Variants in CADPS observed in about 807,000 individuals in gnomAD.
CADPS encodes the protein calcium dependent secretion activator.
CADPS carries 57 observed loss-of-function variants against 167.3 expected under a neutral mutation model. That is an observed-to-expected ratio of 0.34 (90% CI 0.28 to 0.42). CADPS has a LOEUF of 0.42. Among genes scored for constraint, CADPS ranks in the 20% least tolerant of loss-of-function variants. The probability of loss-of-function intolerance (pLI) is 1.00; values close to 1 mark genes in which losing one functional copy is unlikely to be tolerated. For missense variants in CADPS, 1,414 were observed against 1,738.1 expected (o/e 0.81, Z 3.32); for synonymous variants, 676 against 635.3 (o/e 1.06, Z -0.96).
At chr3:62,596,263 T>C (rs1368901792) in intron 6 of CADPS, among the ~76,000 whole-genome samples, 2 of 151,742 alleles carry the variant, frequency 1.3e-5, no homozygotes, top group African/African-American at 4.8e-5. Context: ...TGGCATGATC[T>C]TGGCTCACTG....
Position 62,651,019 on chromosome 3 carries a change from T to C in CADPS, c.1031A>G (p.Lys344Arg). 1 of 1,614,158 alleles carries C rather than the reference T, an allele frequency of 6.2e-7. No individual in the cohort carries two copies. The highest frequency in any genetic ancestry group is 8.5e-7 in the Non-Finnish European group (1 of 1,179,982). Reference protein sequence around the residue: ...EMENMYIEELKSSVNLLMANL... With the variant: ...EMENMYIEELRSSVNLLMANL... The stretch of plus-strand genomic sequence containing the variant: ...GGCCATGAGCAGGTTGACAGATGAC[T>C]TCAGCTCCTCAATGTACATGTTTTC... The change falls in exon 5 of 30, where the codon AAG becomes AGG. Residue 344 changes from lysine (K) to arginine (R), a missense_variant. Coordinates refer to ENST00000383710, the MANE Select transcript of CADPS (RefSeq NM_003716.4).
At chr3:62,659,904 ACCC>A (rs2150418085) in intron 4 of CADPS, among the ~76,000 whole-genome samples, 1 of 152,272 alleles carries the variant, frequency 6.6e-6, no homozygotes, top group Admixed American at 6.5e-5. Flanking sequence ...AACCCTCAAT[ACCC>A]TAGACAGGGA....
chr3:62,639,141 T>A (rs552486608), intron 6 of CADPS, among the ~76,000 whole-genome samples: 6 of 152,278 alleles, frequency 3.9e-5, no homozygotes, highest in South Asian at 2.1e-4. Context: ...TGTCTGAGCA[T>A]CCCAAAGTGT....
In CADPS at chr3:62,811,588, T is replaced by G. The variant is rs552997140; in HGVS notation, c.442-45604A>C. Among the ~76,000 whole-genome samples the G allele has an allele frequency of 2.0e-5, 3 of 152,338 alleles. 1 individual carries two copies. In the South Asian group the frequency reaches 6.2e-4, roughly 32 times the overall value. ...ATCATTCAAAGCCCAGCTTAAGGCT[T>G]CCTAAGACCTTCTCCAGCAGTTACT... On this transcript the variant is annotated intron_variant, in intron 1 of 29. Transcript: ENST00000383710.
intron 8 of CADPS, among the ~76,000 whole-genome samples, chr3:62,574,730 A>C (rs2081955771): frequency 6.6e-6 from 1 of 152,038 alleles, no homozygotes; most frequent in Admixed American, 6.6e-5. Context: ...AAGATGCTTA[A>C]CCTCTTGGTG....
chr3:62,684,381 A>G (rs922727149), intron 3 of CADPS, among the ~76,000 whole-genome samples: 1 of 151,966 alleles, frequency 6.6e-6, no homozygotes, highest in African/African-American at 2.4e-5. Flanking sequence ...GGCTCTAATG[A>G]TGATCCAGGC....
At chr3:62,845,230 T>C (rs1031779434) in intron 1 of CADPS, among the ~76,000 whole-genome samples, 1 of 152,204 alleles carries the variant, frequency 6.6e-6, no homozygotes, top group Admixed American at 6.5e-5. Flanking sequence ...GAACAAGAAC[T>C]TGGCTTCTTG....
chr3:62,520,246 G>C (rs1050671008), intron 13 of CADPS, among the ~76,000 whole-genome samples: 8 of 152,162 alleles, frequency 5.3e-5, no homozygotes, highest in African/African-American at 1.9e-4. Flanking sequence ...AGCCTTCTAA[G>C]GCAATTAGGC....
intron 27 of CADPS, 37 bp downstream of exon 27, chr3:62,445,728 A>AAC: frequency 7.3e-7 from 1 of 1,360,734 alleles, no homozygotes; most frequent in Admixed American, 2.8e-5. Context: ...AAAAAAAAAC[A>AAC]AAAAAACCCC....
At chr3:62,849,083 T>C (rs1326784809) in intron 1 of CADPS, among the ~76,000 whole-genome samples, 8 of 151,210 alleles carry the variant, frequency 5.3e-5, no homozygotes, top group Non-Finnish European at 1.0e-4. Flanking sequence ...TGTTTGTCTG[T>C]TGTTGGTGTA....
chr3:62,837,808 A>C (rs1317977033), intron 1 of CADPS, among the ~76,000 whole-genome samples: 1 of 152,162 alleles, frequency 6.6e-6, no homozygotes, highest in Admixed American at 6.5e-5. Flanking sequence ...ACCCATTCTG[A>C]TTGTTTCTTC....
At chr3:62,710,255 G>A (rs1038499645) in intron 3 of CADPS, among the ~76,000 whole-genome samples, 1 of 151,534 alleles carries the variant, frequency 6.6e-6, no homozygotes, top group African/African-American at 2.4e-5. Flanking sequence ...CTCAATCCTG[G>A]ATGCACGCTG....
intron 1 of CADPS, chr3:62,796,122 T>C (rs544217577): frequency 6.6e-6 from 1 of 152,356 alleles, no homozygotes; most frequent in South Asian, 2.1e-4. Flanking sequence ...GATTTTTTCG[T>C]AAGAGACAGG....
intron 1 of CADPS, among the ~76,000 whole-genome samples, chr3:62,824,580 C>T (rs1431538090): frequency 6.6e-6 from 1 of 152,020 alleles, no homozygotes; most frequent in African/African-American, 2.4e-5. Flanking sequence ...GGGGATCCAC[C>T]CTTACAAAAA....
At position 62,544,451 on chromosome 3, in the gene CADPS, G is replaced by A. The variant is rs1484464424; in HGVS notation, c.1966+5452C>T. On this transcript the variant is annotated intron_variant, in intron 11 of 29. Transcript: ENST00000383710. This position sits in a 1 kb window ranked among gnomAD's most constrained non-coding sequence, Gnocchi z 4.4. ...AACAACAACAACAACAACAACAACAGCACATTATCAGAGTGCAAAATGATC... is the reference window on the plus strand; with the variant it reads ...AACAACAACAACAACAACAACAACAACACATTATCAGAGTGCAAAATGATC... 2.7e-5 allele frequency among the ~76,000 whole-genome samples: 4 copies of A among 149,282 alleles called. No homozygotes were observed. The highest frequency in any genetic ancestry group is 1.0e-4 in the African/African-American group (4 of 40,184).
At chr3:62,610,442 G>A (rs1304848646) in intron 6 of CADPS, among the ~76,000 whole-genome samples, 1 of 152,050 alleles carries the variant, frequency 6.6e-6, no homozygotes, top group African/African-American at 2.4e-5. Context: ...CTAGAGACAG[G>A]GTTTCACCGG....
At position 62,420,892 on chromosome 3, in the gene CADPS, A is replaced by G. The variant is rs868843059; in HGVS notation, c.3777+17212T>C. On this transcript the variant is annotated intron_variant, in intron 28 of 29. Coordinates refer to ENST00000383710, the MANE Select transcript of CADPS (RefSeq NM_003716.4). The surrounding 1 kb of genome is among the most constrained non-coding windows in gnomAD (Gnocchi z 4.1). ...CACACACACACACACACACACACAC[A>G]CACACACACAGGCACACACACACAC... Among the ~76,000 whole-genome samples the G allele has an allele frequency of 1.8e-4, 24 of 132,676 alleles. No homozygotes were observed. The highest frequency in any genetic ancestry group is 2.8e-4 in the African/African-American group (9 of 31,612). The allele number at this position is 132,676 out of a possible 152,430, so 87.0% of individuals were successfully genotyped here.
Position 62,637,707 on chromosome 3 carries a change from T to C in CADPS, c.1325+8015A>G, listed in dbSNP as rs571729595. On this transcript the variant is annotated intron_variant, in intron 6 of 29. Transcript: ENST00000383710. ...ACTCTGTTTTAGAGATCTAATTTCT[T>C]TTAGAAAGGTAGGGTGGCAGAATGG... Among the ~76,000 whole-genome samples the C allele has an allele frequency of 3.9e-5, 6 of 152,320 alleles. No individual in the cohort carries two copies. The East Asian group carries it at 1.2e-3, about 29-fold the overall frequency.
At position 62,663,970 on chromosome 3, in the gene CADPS, G is replaced by A. The variant is rs78913753; in HGVS notation, c.889-1576C>T. On this transcript the variant is annotated intron_variant, in intron 3 of 29. Coordinates refer to ENST00000383710, the MANE Select transcript of CADPS (RefSeq NM_003716.4). ...TGTTACAAAGTCTTCGAGAAGCTCT[G>A]CAGTAAGAAAATTTGTTAGATTTTG... is the stretch of plus-strand genomic sequence containing the variant. Among the ~76,000 whole-genome samples, 115 of 152,268 alleles carry A rather than the reference G, an allele frequency of 7.6e-4. 3 individuals carry two copies. The East Asian group carries it at 0.018, about 24-fold the overall frequency.
Sources: allele counts gnomAD v4.1 joint callset (sites outside exome capture counted in the v4.1 genomes callset), GRCh38; gene constraint gnomAD v4.1.1; non-coding constraint Gnocchi (gnomAD v3.1); transcripts MANE v1.5; gene names NCBI Gene and HGNC (gene_info 2026-07-23, HGNC 2026-07-21).